The following MYOCOS variants were observed in gnomAD, a reference collection of about 807,000 sequenced individuals.
MYOCOS encodes myocilin opposite strand, also known as myocilin opposite strand protein.
chr1:171,607,228 T>C (rs570607078), intron 1 of MYOCOS, among the ~76,000 whole-genome samples: 30 of 152,090 alleles, frequency 2.0e-4, no homozygotes, highest in Non-Finnish European at 3.7e-4. Context: ...TTTTTAGAAA[T>C]ATACAATGCT....
chr1:171,621,929 C>G (rs1346079302), upstream of MYOCOS, among the ~76,000 whole-genome samples: 1 of 152,196 alleles, frequency 6.6e-6, no homozygotes, highest in Admixed American at 6.5e-5. Context: ...TCAACCCTCA[C>G]AACTGCCCTA....
At chr1:171,615,997 C>A (rs920192474) in intron 2 of MYOCOS, among the ~76,000 whole-genome samples, 5 of 152,164 alleles carry the variant, frequency 3.3e-5, no homozygotes, top group Admixed American at 6.5e-5. Flanking sequence ...GCAGGTGGAT[C>A]ACTTGAGGTC....
upstream of MYOCOS, among the ~76,000 whole-genome samples, chr1:171,621,478 C>A (rs1444888855): frequency 6.6e-6 from 1 of 150,884 alleles, no homozygotes; most frequent in Non-Finnish European, 1.5e-5. Flanking sequence ...CGGGTTCACG[C>A]CATTCTCCTG....
chr1:171,602,113 AAG>A (rs560015961), intron 1 of MYOCOS, among the ~76,000 whole-genome samples: 4 of 152,266 alleles, frequency 2.6e-5, no homozygotes, highest in Admixed American at 2.6e-4. Flanking sequence ...AATTTATGTA[AAG>A]AGTGTTATAT....
chr1:171,603,621 A>T (rs1031962744), intron 1 of MYOCOS, among the ~76,000 whole-genome samples: 4 of 152,246 alleles, frequency 2.6e-5, no homozygotes, highest in African/African-American at 9.6e-5. Context: ...TGAGCTTTTC[A>T]TGAGTTAAAA....
At chr1:171,608,376 A>C (rs915635976) in intron 1 of MYOCOS, among the ~76,000 whole-genome samples, 2 of 150,472 alleles carry the variant, frequency 1.3e-5, no homozygotes, top group African/African-American at 5.0e-5. Flanking sequence ...TGCTCCTTTA[A>C]AATTATCTGG....
chr1:171,625,045 C>T (rs1452339896), intron 2 of MYOCOS, among the ~76,000 whole-genome samples: 1 of 152,094 alleles, frequency 6.6e-6, no homozygotes, highest in African/African-American at 2.4e-5. Context: ...TGCCCTTTGA[C>T]CTTAGAGTTT....
chr1:171,623,738 T>G, intron 1 of MYOCOS, 103 bp from the exon 2 acceptor site: 1 of 396,424 alleles, frequency 2.5e-6, no homozygotes, highest in Non-Finnish European at 4.4e-6. Flanking sequence ...CAACTGAGAG[T>G]AAGGCAGTGA....
In MYOCOS at chr1:171,608,652, A is replaced by T. The variant is rs148521838; in HGVS notation, c.-251-6146A>T. Among the ~76,000 whole-genome samples, 728 of 151,864 alleles carry T rather than the reference A, an allele frequency of 4.8e-3. 17 individuals are homozygous for T. In the East Asian group the frequency reaches 0.075, roughly 16 times the overall value. ...TAGCCAGGATGGTCTCGATCTCCTG[A>T]CCTCATGATCTGCCCGCCTCGGCCT... On this transcript the variant is annotated intron_variant, in intron 1 of 3. Coordinates refer to the MYOCOS transcript ENST00000636697.
At chr1:171,607,117 C>G (rs1572201749) in intron 1 of MYOCOS, among the ~76,000 whole-genome samples, 2 of 136,888 alleles carry the variant, frequency 1.5e-5, no homozygotes, top group South Asian at 2.3e-4. Context: ...AAAAAAAAAG[C>G]AAGCAAAAAT....
At chr1:171,601,336 G>A (rs1167386970) in intron 1 of MYOCOS, among the ~76,000 whole-genome samples, 1 of 152,170 alleles carries the variant, frequency 6.6e-6, no homozygotes, top group Non-Finnish European at 1.5e-5. Context: ...TTTGGTTTTA[G>A]TTTTGACTTG....
At chr1:171,624,916 G>A (rs774827865) in intron 2 of MYOCOS, among the ~76,000 whole-genome samples, 3 of 151,978 alleles carry the variant, frequency 2.0e-5, no homozygotes, top group Non-Finnish European at 4.4e-5. Flanking sequence ...GCTCTTTGTC[G>A]GGTATGTTAT....
At chr1:171,620,253 T>G (rs184745113), upstream of MYOCOS, among the ~76,000 whole-genome samples, 110 of 152,086 alleles carry the variant, frequency 7.2e-4, no homozygotes, top group African/African-American at 2.4e-3. Context: ...TGGGGCATCG[T>G]GTCCTACAAA....
chr1:171,601,277 G>C (rs1464209525), intron 1 of MYOCOS, among the ~76,000 whole-genome samples: 1 of 152,198 alleles, frequency 6.6e-6, no homozygotes, highest in Non-Finnish European at 1.5e-5. Context: ...GGGTGTGCCT[G>C]CATTGGCACT....
chr1:171,622,448 G>C (rs1164821171), intron 1 of MYOCOS, 116 bp downstream of exon 1: 1 of 152,228 alleles, frequency 6.6e-6, no homozygotes, highest in Non-Finnish European at 1.5e-5. Context: ...GTTGACGTTG[G>C]TGGTCCTTTT....
chr1:171,615,732 G>A (rs1652436651), intron 2 of MYOCOS, among the ~76,000 whole-genome samples: 3 of 152,170 alleles, frequency 2.0e-5, no homozygotes, highest in Admixed American at 6.5e-5. Context: ...AATCAATCAC[G>A]ACCTTTTCAT....
At chr1:171,622,400 G>A (rs1652594919) in intron 1 of MYOCOS, 68 bp downstream of exon 1, 1 of 152,206 alleles carries the variant, frequency 6.6e-6, no homozygotes. Context: ...TCCTGAGAGA[G>A]ACTGACTACA....
Position 171,602,927 on chromosome 1 carries a change from C to A in MYOCOS, c.-252+1847C>A, listed in dbSNP as rs1044755692. Among the ~76,000 whole-genome samples the A allele has an allele frequency of 5.3e-5, 8 of 152,238 alleles. No homozygotes were observed. The East Asian group carries it at 1.4e-3, about 26-fold the overall frequency. On this transcript the variant is annotated intron_variant, in intron 1 of 3. Transcript: ENST00000636697. ...CCTGGTTGAAATAGATCAAATATTC[C>A]ATCTGCACGTTATAAAAAGCAATTG...
upstream of MYOCOS, among the ~76,000 whole-genome samples, chr1:171,620,214 A>G (rs924043133): frequency 4.0e-5 from 6 of 151,658 alleles, no homozygotes; most frequent in African/African-American, 1.2e-4. Context: ...TCTGATTTTT[A>G]TGCTGCCCAA....
Sources: allele counts gnomAD v4.1 joint callset (sites outside exome capture counted in the v4.1 genomes callset), GRCh38; gene constraint gnomAD v4.1.1; transcripts MANE v1.5; gene names NCBI Gene and HGNC (gene_info 2026-07-23, HGNC 2026-07-21).